Variants in NPHP3 observed in about 807,000 individuals in gnomAD.
The protein encoded by NPHP3 is nephrocystin-3.
Under a neutral mutation model 171.9 loss-of-function variants are expected in NPHP3, and 123 were observed. The ratio of observed to expected loss-of-function variants is 0.72; its 90% CI spans 0.62 to 0.83. The LOEUF (loss-of-function observed/expected upper bound fraction) is 0.83, where lower values mean the gene tolerates loss of function less well. Ranked by LOEUF, NPHP3 falls within the 40% of genes least tolerant of loss-of-function variation. The probability of loss-of-function intolerance (pLI) is 0.00; values close to 1 mark genes in which losing one functional copy is unlikely to be tolerated. For synonymous variants in NPHP3, 558 were observed against 579.2 expected, an observed-to-expected ratio of 0.96 and a Z score of 0.52; for missense variants, 1,506 against 1,591.9, an observed-to-expected ratio of 0.95 and a Z score of 0.92.
chr3:132,722,113 C>T lies in NPHP3; in HGVS notation c.243G>A (p.Val81=). The change falls in exon 1 of 27, where the codon GTG becomes GTA. Residue 81 remains valine (V), a synonymous_variant. Coordinates refer to ENST00000337331, the MANE Select transcript of NPHP3 (RefSeq NM_153240.5). ...CGGCCGCCGCGTACTCCAGCTCTGG[C>T]ACCGACGAGCCAGTGGACTTGAAGC... ...GASFKSTGSS[V]PELEYAAAEY... 6.2e-7 allele frequency: 1 copy of T among 1,605,622 alleles called. No individual in the cohort carries two copies. The highest frequency in any genetic ancestry group is 1.3e-5 in the African/African-American group (1 of 75,022).
At chr3:132,712,527 GAGGCCA>G in intron 6 of NPHP3, 1 of 454,802 alleles carries the variant, frequency 2.2e-6, no homozygotes, top group Non-Finnish European at 4.4e-6. Context: ...AGCACTTTGG[GAGGCCA>G]AGGCAGGGGG....
At position 132,706,097 on chromosome 3, in the gene NPHP3, T is replaced by C. The variant is rs149755457; in HGVS notation, c.1276-283A>G. On this transcript the variant is annotated intron_variant, in intron 7 of 26. Coordinates refer to ENST00000337331, the MANE Select transcript of NPHP3 (RefSeq NM_153240.5). ...GAAGTAGGCCAGGCGCGGTGGCTCA[T>C]GCCTGTAATCCCAGCACTTTGGGAG... is the stretch of plus-strand genomic sequence containing the variant. 0.011 allele frequency among the ~76,000 whole-genome samples: 1,663 copies of C among 152,046 alleles called. 33 individuals carry two copies. The highest frequency in any genetic ancestry group is 0.034 in the African/African-American group (1,423 of 41,472).
chr3:132,706,175 T>G (rs9862339), intron 7 of NPHP3, among the ~76,000 whole-genome samples: 1 of 151,904 alleles, frequency 6.6e-6, no homozygotes, highest in Non-Finnish European at 1.5e-5. Context: ...CTGGCTAACA[T>G]GGTGAAACCC....
chr3:132,683,600 A>C, intron 24 of NPHP3, 76 bp from the exon 25 acceptor site: 6 of 1,212,532 alleles, frequency 4.9e-6, no homozygotes, highest in Non-Finnish European at 7.1e-6. Context: ...TCCATAAGTA[A>C]AATTTCATAT....
chr3:132,701,146 T>C (rs549407302), intron 10 of NPHP3, among the ~76,000 whole-genome samples: 1 of 152,322 alleles, frequency 6.6e-6, no homozygotes, highest in Non-Finnish European at 1.5e-5. Context: ...ATATGACATA[T>C]CACATATGAT....
intron 24 of NPHP3, 35 bp from the exon 25 acceptor site, chr3:132,683,559 A>T: frequency 6.4e-7 from 1 of 1,567,936 alleles, no homozygotes; most frequent in Non-Finnish European, 8.8e-7. Flanking sequence ...CAAAAATATA[A>T]GGCAATAAAT....
chr3:132,689,892 A>G (rs1296495252), intron 19 of NPHP3, among the ~76,000 whole-genome samples: 2 of 152,192 alleles, frequency 1.3e-5, no homozygotes, highest in East Asian at 3.8e-4. Flanking sequence ...CAAATTTGAG[A>G]GAGTTTATGT....
At chr3:132,682,286 C>G (rs1489228758) in intron 26 of NPHP3, 196 bp from the exon 27 acceptor site, 1 of 609,456 alleles carries the variant, frequency 1.6e-6, no homozygotes, top group African/African-American at 1.9e-5. Flanking sequence ...ATTTTTGTGT[C>G]TCATATGGAT....
intron 15 of NPHP3, among the ~76,000 whole-genome samples, chr3:132,695,649 G>A (rs1212129766): frequency 6.6e-6 from 1 of 152,072 alleles, no homozygotes; most frequent in Non-Finnish European, 1.5e-5. Flanking sequence ...AATATCACAG[G>A]CAGGCTGGGT....
intron 26 of NPHP3, 25 bp downstream of exon 26, chr3:132,682,678 T>A: frequency 7.8e-7 from 1 of 1,285,122 alleles, no homozygotes; most frequent in Non-Finnish European, 1.1e-6. Context: ...AGAGGCTGTA[T>A]AAGGAAAGTG....
At chr3:132,714,596 G>A (rs566499790) in intron 5 of NPHP3, among the ~76,000 whole-genome samples, 12 of 152,070 alleles carry the variant, frequency 7.9e-5, no homozygotes, top group Non-Finnish European at 1.5e-4. Flanking sequence ...GTATGTGGTG[G>A]TGTGTACCTG....
rs1437223046 is a variant in NPHP3 at position 132,687,303 on chromosome 3, T to G, written c.3126-77A>C. ...CTTCAGTGAAATGAAAGCACTCTTT[T>G]CATAGTGTAAAGTCTTTTTGGGCTA... On this transcript the variant is annotated intron_variant, in intron 21 of 26. Transcript: ENST00000337331. 1.3e-5 allele frequency: 9 copies of G among 709,212 alleles called. No homozygotes were observed. The Admixed American group carries it at 2.0e-4, about 16-fold the overall frequency. 43.9% of individuals were successfully genotyped at this position (709,212 alleles called of 1,614,324 possible). A position where few individuals can be genotyped will look rare whatever the true frequency, so the allele number is the denominator to read the frequency against.
intron 13 of NPHP3, 38 bp downstream of exon 13, chr3:132,699,315 T>C: frequency 7.2e-7 from 1 of 1,381,550 alleles, no homozygotes. Context: ...ACTTAAAACA[T>C]TTCATGTACT....
At chr3:132,711,089 T>C (rs1939896829) in intron 6 of NPHP3, among the ~76,000 whole-genome samples, 2 of 152,194 alleles carry the variant, frequency 1.3e-5, no homozygotes, top group African/African-American at 2.4e-5. Context: ...GGAAAGTGTT[T>C]CCCCATGGAG....
In NPHP3 at chr3:132,687,163, T is replaced by C. The variant is rs112386774; in HGVS notation, c.3189A>G (p.Lys1063=). The change falls in exon 22 of 27, where the codon AAA becomes AAG. Residue 1063 remains lysine (K), a synonymous_variant. Transcript: ENST00000337331. The part of the protein sequence containing the change: ...SFKIHQKAIK[K]KGNLYGFALL... Reference sequence around the variant, plus strand: ...AATCTCTCCTTACCAAGTTGCCTTTTTTCTTTATAGCTTTCTGATGAATTT... The same window carrying C: ...AATCTCTCCTTACCAAGTTGCCTTTCTTCTTTATAGCTTTCTGATGAATTT... 413 of 1,463,642 alleles carry C rather than the reference T, an allele frequency of 2.8e-4. 1 individual carries two copies. In the African/African-American group the frequency reaches 4.2e-3, roughly 15 times the overall value. The allele number at this position is 1,463,642 out of a possible 1,614,324, so 90.7% of individuals were successfully genotyped here.
At chr3:132,707,539 A>G (rs1300236825) in intron 7 of NPHP3, among the ~76,000 whole-genome samples, 1 of 152,140 alleles carries the variant, frequency 6.6e-6, no homozygotes, top group Non-Finnish European at 1.5e-5. Flanking sequence ...TGCTTGGGAG[A>G]AAAGCACAAA....
In NPHP3 at chr3:132,691,202, A is replaced by G. The variant is rs758928870; in HGVS notation, c.2560T>C (p.Leu854=). The change falls in exon 18 of 27, where the codon TTG becomes CTG. Residue 854 remains leucine (L), a synonymous_variant. Transcript: ENST00000337331. ...GAACATTTACAATACCTTAGCTGCA[A>G]GGTGAAATAGTTGATTAGCTTTTGC... ...YRQKLINYFT[L]QLSQDRVTWR... is the part of the protein sequence containing the mutation. 1 of 1,611,774 alleles carries G rather than the reference A, an allele frequency of 6.2e-7. No individual in the cohort carries two copies. The highest frequency in any genetic ancestry group is 8.5e-7 in the Non-Finnish European group (1 of 1,178,106).
chr3:132,700,095 T>C, intron 11 of NPHP3, 34 bp from the exon 12 acceptor site: 2 of 1,609,346 alleles, frequency 1.2e-6, no homozygotes, highest in Non-Finnish European at 1.7e-6. Flanking sequence ...ACTGAAGTAG[T>C]TACACGTAGT....
At chr3:132,705,076 G>A (rs1939710481) in intron 8 of NPHP3, among the ~76,000 whole-genome samples, 1 of 152,146 alleles carries the variant, frequency 6.6e-6, no homozygotes, top group Admixed American at 6.5e-5. Flanking sequence ...GGTGTCAGAA[G>A]GTGTGGGCAA....
Sources: gnomAD v4.1 joint callset for allele counts (sites outside exome capture counted in the v4.1 genomes callset) on GRCh38, gnomAD v4.1.1 for gene constraint, MANE v1.5 for transcripts, NCBI Gene and HGNC (gene_info 2026-07-23, HGNC 2026-07-21) for gene names.